CSMD1: variants seen among roughly 807,000 people sequenced by gnomAD.
The protein encoded by CSMD1 is CUB and Sushi multiple domains 1.
CSMD1 carries 213 observed loss-of-function variants against 417.5 expected under a neutral mutation model. The ratio of observed to expected loss-of-function variants is 0.51; its 90% CI spans 0.46 to 0.57. The LOEUF (loss-of-function observed/expected upper bound fraction) is 0.57. Ranked by LOEUF, CSMD1 falls within the 20% of genes least tolerant of loss-of-function variation. The pLI is 0.00. For missense variants in CSMD1, 6,923 were observed against 4,529.7 expected (o/e 1.53, Z -15.17); for synonymous variants, 2,862 against 1,736.8 (o/e 1.65, Z -16.11).
intron 3 of CSMD1, among the ~76,000 whole-genome samples, chr8:4,310,193 A>T (rs1798483845): frequency 6.6e-6 from 1 of 152,182 alleles, no homozygotes; most frequent in Admixed American, 6.6e-5. Context: ...AACAATGGTA[A>T]TCTCCTTTCC....
At chr8:3,040,401 T>C (rs965914371) in intron 50 of CSMD1, among the ~76,000 whole-genome samples, 76 of 146,996 alleles carry the variant, frequency 5.2e-4, no homozygotes, top group African/African-American at 1.8e-3. Context: ...TATATATATA[T>C]ATATATATAT....
chr8:4,164,811 G>C (rs1051604455), intron 3 of CSMD1, among the ~76,000 whole-genome samples: 5 of 152,014 alleles, frequency 3.3e-5, no homozygotes, highest in Admixed American at 1.3e-4. Flanking sequence ...CAGAGGTGGA[G>C]CTTGCAGTGA....
At chr8:4,129,725 T>C (rs139074407) in intron 3 of CSMD1, among the ~76,000 whole-genome samples, 1,942 of 152,244 alleles carry the variant, frequency 0.013, 15 homozygotes, top group Middle Eastern at 0.02. Flanking sequence ...TATTCAGTTT[T>C]CTTGGGCCCT....
chr8:4,277,744 T>A (rs932183813), intron 3 of CSMD1, among the ~76,000 whole-genome samples: 4 of 152,090 alleles, frequency 2.6e-5, no homozygotes, highest in African/African-American at 9.7e-5. Context: ...TCCCTAAATG[T>A]ATTTTTATTT....
At chr8:4,620,891 T>C (rs540488712) in intron 2 of CSMD1, among the ~76,000 whole-genome samples, 4 of 151,128 alleles carry the variant, frequency 2.6e-5, no homozygotes, top group African/African-American at 9.7e-5. Context: ...AGAGAAAAAT[T>C]GAGTAAAGTA....
At chr8:4,728,474 A>G (rs1809620309) in intron 1 of CSMD1, among the ~76,000 whole-genome samples, 1 of 152,090 alleles carries the variant, frequency 6.6e-6, no homozygotes, top group South Asian at 2.1e-4. Flanking sequence ...TGCACAGCAG[A>G]GTGCTGCCAT....
At chr8:4,293,159 G>A (rs986874889) in intron 3 of CSMD1, among the ~76,000 whole-genome samples, 2 of 152,240 alleles carry the variant, frequency 1.3e-5, no homozygotes, top group East Asian at 3.9e-4. Context: ...CCTTTGTCCA[G>A]TATACTCTGA....
At chr8:3,479,691 GAC>G (rs751737668) in intron 11 of CSMD1, among the ~76,000 whole-genome samples, 67 of 152,140 alleles carry the variant, frequency 4.4e-4, no homozygotes, top group Non-Finnish European at 3.1e-4. Flanking sequence ...TACCTAACAT[GAC>G]ACACAAAAGA....
At chr8:2,948,978 T>TA (rs1802436785) in intron 68 of CSMD1, among the ~76,000 whole-genome samples, 1 of 151,880 alleles carries the variant, frequency 6.6e-6, no homozygotes, top group Admixed American at 6.6e-5. Flanking sequence ...TTTTTTTTTT[T>TA]ACTTTTAAGA....
chr8:4,107,288 G>C (rs935700163), intron 3 of CSMD1, among the ~76,000 whole-genome samples: 3 of 152,212 alleles, frequency 2.0e-5, no homozygotes, highest in Non-Finnish European at 4.4e-5. Context: ...TCAACACGCT[G>C]CACTGCCTCA....
intron 8 of CSMD1, among the ~76,000 whole-genome samples, chr8:3,600,344 C>A (rs781710586): frequency 7.9e-5 from 12 of 152,166 alleles, no homozygotes; most frequent in South Asian, 6.2e-4. Context: ...GGATTTATTA[C>A]CTTTAGATCC....
At chr8:4,746,945 G>A (rs893072044) in intron 1 of CSMD1, among the ~76,000 whole-genome samples, 13 of 152,164 alleles carry the variant, frequency 8.5e-5, no homozygotes, top group African/African-American at 3.1e-4. Context: ...TGATTCAAAT[G>A]CCATCCCAAA....
At chr8:3,837,580 T>G (rs528948458) in intron 5 of CSMD1, among the ~76,000 whole-genome samples, 110 of 152,282 alleles carry the variant, frequency 7.2e-4, no homozygotes, top group African/African-American at 2.5e-3. Flanking sequence ...TTGAAATGAC[T>G]GACAAGTAAG....
chr8:4,423,811 C>T (rs34063658), intron 2 of CSMD1, among the ~76,000 whole-genome samples: 1,650 of 152,114 alleles, frequency 0.011, 30 homozygotes, highest in African/African-American at 0.037. Context: ...GATTTCAAGA[C>T]TTATTTTATA....
intron 7 of CSMD1, among the ~76,000 whole-genome samples, chr8:3,632,847 T>C (rs1158769488): frequency 6.6e-6 from 1 of 152,226 alleles, no homozygotes; most frequent in African/African-American, 2.4e-5. Context: ...AGAGATTATG[T>C]TCCTGGTTAG....
intron 4 of CSMD1, among the ~76,000 whole-genome samples, chr8:4,007,401 T>G (rs1175524097): frequency 6.6e-6 from 1 of 152,190 alleles, no homozygotes; most frequent in Non-Finnish European, 1.5e-5. Flanking sequence ...GCACCTATGT[T>G]CCTGCCCTAA....
chr8:4,731,303 T>C (rs904844021), intron 1 of CSMD1, among the ~76,000 whole-genome samples: 45 of 152,270 alleles, frequency 3.0e-4, no homozygotes, highest in African/African-American at 9.9e-4. Flanking sequence ...GGATCCGTCT[T>C]TGGAATCAGC....
At chr8:3,398,121 G>A (rs183149903) in intron 16 of CSMD1, among the ~76,000 whole-genome samples, 1 of 152,170 alleles carries the variant, frequency 6.6e-6, no homozygotes, top group Admixed American at 6.5e-5. Flanking sequence ...GAAAATAGAG[G>A]GCTAATAGAC....
chr8:4,732,339 T>C (rs1350556079), intron 1 of CSMD1, among the ~76,000 whole-genome samples: 1 of 99,732 alleles, frequency 1.0e-5, no homozygotes, highest in Non-Finnish European at 2.1e-5. Context: ...TTTAAATTTC[T>C]TCTGCGTGTG....
Sources: gnomAD v4.1 joint callset for allele counts (sites outside exome capture counted in the v4.1 genomes callset) on GRCh38, gnomAD v4.1.1 for gene constraint, MANE v1.5 for transcripts, NCBI Gene and HGNC (gene_info 2026-07-23, HGNC 2026-07-21) for gene names.